ASIC2: variants seen among roughly 807,000 people sequenced by gnomAD.
ASIC2 encodes acid-sensing ion channel 2.
Under a neutral mutation model 57.3 loss-of-function variants are expected in ASIC2, and 25 were observed. The ratio of observed to expected loss-of-function variants is 0.44; its 90% CI spans 0.32 to 0.61. The LOEUF (loss-of-function observed/expected upper bound fraction) is 0.61, where lower values mean the gene tolerates loss of function less well. Ranked by LOEUF, ASIC2 falls within the 20% of genes least tolerant of loss-of-function variation. The pLI, the probability that ASIC2 is intolerant of heterozygous loss-of-function variation, is 0.06. For missense variants in ASIC2, 641 were observed against 738.1 expected (o/e 0.87, Z 1.52); for synonymous variants, 319 against 307.5 (o/e 1.04, Z -0.39).
intron 1 of ASIC2, among the ~76,000 whole-genome samples, chr17:33,817,011 C>T (rs1912603224): frequency 6.6e-6 from 1 of 152,262 alleles, no homozygotes; most frequent in Non-Finnish European, 1.5e-5. Context: ...CACCGCCTGG[C>T]AGGCACATCT....
intron 1 of ASIC2, among the ~76,000 whole-genome samples, chr17:33,395,799 G>T (rs983390948): frequency 6.6e-6 from 1 of 152,054 alleles, no homozygotes; most frequent in African/African-American, 2.4e-5. Flanking sequence ...CCCATGAGAT[G>T]CCTGGTAATT....
intron 1 of ASIC2, among the ~76,000 whole-genome samples, chr17:33,186,347 A>G (rs1165778474): frequency 6.6e-6 from 1 of 152,060 alleles, no homozygotes; most frequent in East Asian, 1.9e-4. Flanking sequence ...TTGACCTCAA[A>G]TGATCTGCCC....
At chr17:33,239,354 C>CTGG (rs1908419386) in intron 1 of ASIC2, among the ~76,000 whole-genome samples, 1 of 152,076 alleles carries the variant, frequency 6.6e-6, no homozygotes, top group African/African-American at 2.4e-5. Flanking sequence ...AAATTGTAAT[C>CTGG]CCCCGGCCCC....
chr17:33,434,355 C>A (rs1911528329), intron 1 of ASIC2, among the ~76,000 whole-genome samples: 1 of 151,990 alleles, frequency 6.6e-6, no homozygotes, highest in South Asian at 2.1e-4. Context: ...AGAAAGAACA[C>A]AAACACAGTG....
At chr17:34,113,531 A>G (rs1229718834) in intron 1 of ASIC2, among the ~76,000 whole-genome samples, 2 of 151,944 alleles carry the variant, frequency 1.3e-5, no homozygotes, top group Non-Finnish European at 2.9e-5. Context: ...ACTGCACTAC[A>G]GCCTATGGCA....
intron 1 of ASIC2, among the ~76,000 whole-genome samples, chr17:33,944,914 C>T (rs1447666044): frequency 6.6e-6 from 1 of 152,140 alleles, no homozygotes; most frequent in Non-Finnish European, 1.5e-5. Flanking sequence ...TTCCCTCACC[C>T]CTGAGTCTCT....
chr17:33,747,517 C>A (rs906430153), intron 1 of ASIC2, among the ~76,000 whole-genome samples: 2 of 152,142 alleles, frequency 1.3e-5, no homozygotes, highest in African/African-American at 4.8e-5. Context: ...TCCATTGTGC[C>A]TGGCCATCCT....
At chr17:33,337,126 G>C (rs1907545408) in intron 1 of ASIC2, among the ~76,000 whole-genome samples, 1 of 152,144 alleles carries the variant, frequency 6.6e-6, no homozygotes, top group Non-Finnish European at 1.5e-5. Flanking sequence ...GCCCCAGGGT[G>C]CCTGCTTGGT....
chr17:34,105,961 T>C (rs1567824099), intron 1 of ASIC2, among the ~76,000 whole-genome samples: 1 of 152,094 alleles, frequency 6.6e-6, no homozygotes, highest in Non-Finnish European at 1.5e-5. Flanking sequence ...TTTTGTCATT[T>C]AACCTAAAAA....
chr17:33,431,506 G>A (rs904834600), intron 1 of ASIC2, among the ~76,000 whole-genome samples: 1 of 152,148 alleles, frequency 6.6e-6, no homozygotes, highest in African/African-American at 2.4e-5. Flanking sequence ...CAGGGGGGCT[G>A]AGGCACGAGA....
intron 1 of ASIC2, among the ~76,000 whole-genome samples, chr17:33,771,952 T>C (rs1242719562): frequency 1.3e-5 from 2 of 152,192 alleles, no homozygotes; most frequent in Non-Finnish European, 2.9e-5. Context: ...ATGTAAATTG[T>C]TGGGACTCAG....
chr17:33,750,642 G>A (rs533194003), intron 1 of ASIC2, among the ~76,000 whole-genome samples: 17 of 152,232 alleles, frequency 1.1e-4, no homozygotes, highest in Middle Eastern at 3.4e-3. Context: ...GAGTGCACCC[G>A]GATGTCAGAG....
intron 1 of ASIC2, chr17:34,051,871 AGAGCGAGAGAGC>A (rs1490476300): frequency 2.5e-5 from 2 of 80,804 alleles, no homozygotes; most frequent in African/African-American, 1.1e-4. Context: ...AGAGAGAGAG[AGAGCGAGAGAGC>A]GAGAGAGCGA....
intron 1 of ASIC2, among the ~76,000 whole-genome samples, chr17:33,765,129 G>A (rs1198566398): frequency 1.3e-5 from 2 of 151,432 alleles, no homozygotes; most frequent in Admixed American, 6.6e-5. Context: ...TTTTTGAGAC[G>A]GAGTCTCGCT....
chr17:33,222,008 T>G (rs971870434), intron 1 of ASIC2, among the ~76,000 whole-genome samples: 5 of 152,190 alleles, frequency 3.3e-5, no homozygotes, highest in African/African-American at 1.2e-4. Flanking sequence ...AAGGCTATCC[T>G]GGAAACTTAA....
intron 1 of ASIC2, among the ~76,000 whole-genome samples, chr17:33,700,620 A>G (rs1226480219): frequency 6.6e-6 from 1 of 152,210 alleles, no homozygotes; most frequent in Non-Finnish European, 1.5e-5. Flanking sequence ...ACTACTAATA[A>G]AGCATTCACA....
intron 1 of ASIC2, among the ~76,000 whole-genome samples, chr17:33,558,929 G>A (rs9916462): frequency 0.097 from 14,781 of 152,000 alleles, 1,918 homozygotes; most frequent in African/African-American, 0.3. Context: ...CACCACGCCC[G>A]ATTAAGTTTT....
chr17:33,355,720 G>T (rs1908349973), intron 1 of ASIC2, among the ~76,000 whole-genome samples: 1 of 152,158 alleles, frequency 6.6e-6, no homozygotes, highest in Non-Finnish European at 1.5e-5. Flanking sequence ...CATAGCCTGA[G>T]CCCTGGTAAG....
At chr17:34,053,304 C>T (rs527870456) in intron 1 of ASIC2, among the ~76,000 whole-genome samples, 2 of 152,246 alleles carry the variant, frequency 1.3e-5, no homozygotes, top group East Asian at 1.9e-4. Context: ...CCTCTAAGAG[C>T]TCCCTGTGCT....
Sources: allele counts gnomAD v4.1 joint callset (sites outside exome capture counted in the v4.1 genomes callset), GRCh38; gene constraint gnomAD v4.1.1; transcripts MANE v1.5; gene names NCBI Gene and HGNC (gene_info 2026-07-23, HGNC 2026-07-21).